ARHGEF28: variants seen among roughly 807,000 people sequenced by gnomAD.
ARHGEF28 encodes the protein 190 kDa guanine nucleotide exchange factor.
In ARHGEF28, 152 loss-of-function variants were observed where a neutral mutation model predicts 206.6. That is an observed-to-expected ratio of 0.74 (90% confidence interval 0.64 to 0.84). The LOEUF (loss-of-function observed/expected upper bound fraction) is 0.84, where lower values mean the gene tolerates loss of function less well. Ranked by LOEUF, ARHGEF28 falls within the 40% of genes least tolerant of loss-of-function variation. The probability of loss-of-function intolerance (pLI) is 0.00; values close to 1 mark genes in which losing one functional copy is unlikely to be tolerated. For synonymous variants in ARHGEF28, 763 were observed against 776.4 expected (o/e 0.98, Z 0.29); for missense variants, 2,028 against 2,073.2 (o/e 0.98, Z 0.42).
chr5:73,920,847 C>A (rs1763485458), intron 35 of ARHGEF28, among the ~76,000 whole-genome samples: 1 of 151,952 alleles, frequency 6.6e-6, no homozygotes, highest in Non-Finnish European at 1.5e-5. Context: ...TTTATGGTAC[C>A]CTGAGCTTTA....
intron 2 of ARHGEF28, among the ~76,000 whole-genome samples, chr5:73,709,915 T>G (rs994724012): frequency 3.3e-5 from 5 of 152,216 alleles, no homozygotes; most frequent in African/African-American, 1.2e-4. Context: ...AGTTTGTTCC[T>G]TTATATTGCT....
rs534404829 is a variant in ARHGEF28 at position 73,808,774 on chromosome 5, G to T, written c.1024+13383G>T. On this transcript the variant is annotated intron_variant, in intron 9 of 35. Transcript: ENST00000513042. ...GTAGTATTAAAAACTGTGGTGTCTT[G>T]GTGGCTTAACAGTGGAGTAGAGAAG... 2.6e-4 allele frequency among the ~76,000 whole-genome samples: 40 copies of T among 151,622 alleles called. No individual in the cohort carries two copies. The South Asian group carries it at 8.1e-3, about 31-fold the overall frequency.
At chr5:73,904,658 G>T in intron 33 of ARHGEF28, 1 of 486,102 alleles carries the variant, frequency 2.1e-6, no homozygotes. Flanking sequence ...TGATGAATAT[G>T]ATCTGGCTTG....
chr5:73,641,985 G>C (rs921868372), intron 1 of ARHGEF28, among the ~76,000 whole-genome samples: 1 of 152,230 alleles, frequency 6.6e-6, no homozygotes, highest in Admixed American at 6.5e-5. Context: ...GGAGCTGAGA[G>C]GTTAAGCAAC....
chr5:73,916,030 CA>C (rs1333052811), intron 35 of ARHGEF28, among the ~76,000 whole-genome samples: 1 of 152,070 alleles, frequency 6.6e-6, no homozygotes, highest in Non-Finnish European at 1.5e-5. Flanking sequence ...TTTCAAAATT[CA>C]AAGCATTGTA....
At chr5:73,705,802 A>G (rs1396819739) in intron 2 of ARHGEF28, among the ~76,000 whole-genome samples, 5 of 152,178 alleles carry the variant, frequency 3.3e-5, no homozygotes, top group East Asian at 1.9e-4. Context: ...ATATGTTTTC[A>G]TAGACCATGT....
intron 2 of ARHGEF28, among the ~76,000 whole-genome samples, chr5:73,749,048 G>A (rs149289235): frequency 1.3e-5 from 2 of 152,154 alleles, no homozygotes; most frequent in Non-Finnish European, 2.9e-5. Context: ...GTGACCTGAG[G>A]TGGCAGCTCC....
intron 9 of ARHGEF28, among the ~76,000 whole-genome samples, chr5:73,827,604 T>C (rs1756992126): frequency 6.6e-6 from 1 of 151,930 alleles, no homozygotes. Context: ...GGTGGTGGAG[T>C]AGAGACTTGA....
In ARHGEF28 at chr5:73,749,681, T is replaced by C. The variant is rs17552626; in HGVS notation, c.34-156T>C. Among the ~76,000 whole-genome samples, 33,271 of 152,062 alleles carry C rather than the reference T, an allele frequency of 0.22. 4,003 individuals carry two copies. The highest frequency in any genetic ancestry group is 0.27 in the Non-Finnish European group (18,384 of 67,952). Reference sequence around the variant, plus strand: ...GAAGCATCTTCCCTAATGTCAAATGTGTTGTTGTTGGAAGGAAGCACTCAT... The same window carrying C: ...GAAGCATCTTCCCTAATGTCAAATGCGTTGTTGTTGGAAGGAAGCACTCAT... On this transcript the variant is annotated intron_variant, in intron 2 of 35. Coordinates refer to ENST00000513042, the MANE Select transcript of ARHGEF28 (RefSeq NM_001177693.2).
At chr5:73,806,046 ATAGT>A (rs1303644417) in intron 9 of ARHGEF28, among the ~76,000 whole-genome samples, 3 of 151,616 alleles carry the variant, frequency 2.0e-5, no homozygotes, top group Non-Finnish European at 4.4e-5. Flanking sequence ...TTGATACCTC[ATAGT>A]TAACTTATTT....
intron 1 of ARHGEF28, among the ~76,000 whole-genome samples, chr5:73,632,569 G>A (rs1014844672): frequency 2.0e-5 from 3 of 152,022 alleles, no homozygotes; most frequent in African/African-American, 7.2e-5. Context: ...GCTATGTGGA[G>A]GCCATTCTGA....
chr5:73,789,879 G>T (rs1027709398), intron 7 of ARHGEF28, among the ~76,000 whole-genome samples: 18 of 152,024 alleles, frequency 1.2e-4, no homozygotes, highest in African/African-American at 4.3e-4. Flanking sequence ...TAGCAAGCCT[G>T]CCCAACCCTT....
chr5:73,638,287 A>C (rs962531292), intron 1 of ARHGEF28, among the ~76,000 whole-genome samples: 1 of 152,208 alleles, frequency 6.6e-6, no homozygotes, highest in African/African-American at 2.4e-5. Flanking sequence ...TATTGTGGCA[A>C]TATGCTTGCC....
chr5:73,732,909 C>G (rs79500772), intron 2 of ARHGEF28, among the ~76,000 whole-genome samples: 12 of 152,004 alleles, frequency 7.9e-5, no homozygotes, highest in Non-Finnish European at 1.3e-4. Context: ...ACTTTGAGTC[C>G]TTTTTGTGCA....
In ARHGEF28 at chr5:73,741,341, ATGTGTGTGTGTG is replaced by A. The variant is rs369851573; in HGVS notation, c.34-8462_34-8451del. The stretch of plus-strand genomic sequence containing the variant: ...AAAGTCGTCTAGATTTTAAATTTAT[ATGTGTGTGTGTG>A]TGTGTGTGTGTGTGTGTGTGTGTGT... On this transcript the variant is annotated intron_variant, in intron 2 of 35. Transcript: ENST00000513042. Among the ~76,000 whole-genome samples the A allele has an allele frequency of 3.2e-3, 209 of 66,086 alleles. 2 individuals are homozygous for A. Among genetic ancestry groups the A allele is most frequent in the African/African-American group, 0.013 (185 of 13,984 alleles). The allele number at this position is 66,086 out of a possible 152,430, so 43.4% of individuals were successfully genotyped here.
chr5:73,888,979 T>C (rs1761465295), intron 26 of ARHGEF28, among the ~76,000 whole-genome samples: 1 of 152,148 alleles, frequency 6.6e-6, no homozygotes, highest in Non-Finnish European at 1.5e-5. Flanking sequence ...AAGCCCTTGG[T>C]GGTATCAGAG....
intron 9 of ARHGEF28, among the ~76,000 whole-genome samples, chr5:73,797,598 G>A (rs560240088): frequency 5.3e-5 from 8 of 151,922 alleles, no homozygotes; most frequent in South Asian, 2.1e-4. Context: ...TCGGGGTTTC[G>A]CCTTCAAACT....
intron 1 of ARHGEF28, among the ~76,000 whole-genome samples, chr5:73,673,821 C>A (rs1332135270): frequency 6.6e-6 from 1 of 152,010 alleles, no homozygotes; most frequent in Non-Finnish European, 1.5e-5. Context: ...ATTAATTCTA[C>A]TTGACAGACG....
Position 73,890,596 on chromosome 5 carries a change from C to G in ARHGEF28, c.3388-1456C>G, listed in dbSNP as rs185121135. 2.6e-3 allele frequency among the ~76,000 whole-genome samples: 393 copies of G among 152,274 alleles called. 1 individual carries two copies. Among genetic ancestry groups the G allele is most frequent in the Non-Finnish European group, 3.7e-3 (250 of 68,022 alleles). ...GTCCCATTATATTTTTACTCTCATG[C>G]TACTCTGAGAAGCGTGGGGTGAGGA... On this transcript the variant is annotated intron_variant, in intron 26 of 35. Coordinates refer to ENST00000513042, the MANE Select transcript of ARHGEF28 (RefSeq NM_001177693.2).
Sources: gnomAD v4.1 joint callset for allele counts (sites outside exome capture counted in the v4.1 genomes callset) on GRCh38, gnomAD v4.1.1 for gene constraint, MANE v1.5 for transcripts, NCBI Gene and HGNC (gene_info 2026-07-23, HGNC 2026-07-21) for gene names.